Variants in CELF4 observed in about 807,000 individuals in gnomAD.
The protein encoded by CELF4 is CUG-BP- and ETR-3-like factor 4.
Under a neutral mutation model 59.9 loss-of-function variants are expected in CELF4, and 18 were observed. The ratio of observed to expected loss-of-function variants is 0.30; its 90% CI spans 0.21 to 0.45. The LOEUF (loss-of-function observed/expected upper bound fraction) is 0.45, where lower values mean the gene tolerates loss of function less well. Among genes scored for constraint, CELF4 ranks in the 20% least tolerant of loss-of-function variants. The probability of loss-of-function intolerance (pLI) is 1.00; values close to 1 mark genes in which losing one functional copy is unlikely to be tolerated. For missense variants in CELF4, 456 were observed against 689.0 expected, an observed-to-expected ratio of 0.66 and a Z score of 3.79; for synonymous variants, 261 against 267.1, an observed-to-expected ratio of 0.98 and a Z score of 0.22.
rs372871600 is a variant in CELF4 at position 37,371,417 on chromosome 18, G to C, written c.370-49536C>G. Among the ~76,000 whole-genome samples the C allele has an allele frequency of 4.6e-5, 7 of 152,184 alleles. No homozygotes were observed. In the East Asian group the frequency reaches 5.8e-4, roughly 13 times the overall value. ...AAGCCCAGGGATCCTGGCCTCAGGG[G>C]ATGTGCAAGGACTCTCGAGGAGAAA... On this transcript the variant is annotated intron_variant, in intron 2 of 12. Transcript: ENST00000420428.
At chr18:37,524,743 T>C (rs888782647) in intron 1 of CELF4, among the ~76,000 whole-genome samples, 2 of 152,168 alleles carry the variant, frequency 1.3e-5, no homozygotes, top group Non-Finnish European at 2.9e-5. Context: ...CCACAGCCCC[T>C]GCTCCCCAGC....
chr18:37,440,851 C>A (rs1489819358), intron 2 of CELF4, among the ~76,000 whole-genome samples: 1 of 152,166 alleles, frequency 6.6e-6, no homozygotes, highest in African/African-American at 2.4e-5. Context: ...CTTGGACAAA[C>A]TACAGACCCT....
At chr18:37,319,009 C>T (rs545248907) in intron 3 of CELF4, among the ~76,000 whole-genome samples, 2 of 152,228 alleles carry the variant, frequency 1.3e-5, no homozygotes, top group Non-Finnish European at 2.9e-5. Context: ...GGCCACCTCC[C>T]CTGAGGCCTC....
chr18:37,256,134 CCTT>C (rs1202736011), intron 11 of CELF4, among the ~76,000 whole-genome samples: 1 of 152,216 alleles, frequency 6.6e-6, no homozygotes, highest in Non-Finnish European at 1.5e-5. Context: ...GGACCGTCTT[CCTT>C]CTTCCAGAGC....
intron 2 of CELF4, among the ~76,000 whole-genome samples, chr18:37,449,987 G>A (rs763036395): frequency 3.9e-5 from 6 of 152,174 alleles, no homozygotes; most frequent in Non-Finnish European, 7.3e-5. Flanking sequence ...CACTAACAAG[G>A]AGAAAACCCA....
chr18:37,407,240 A>T (rs895153748), intron 2 of CELF4, among the ~76,000 whole-genome samples: 1 of 152,088 alleles, frequency 6.6e-6, no homozygotes, highest in African/African-American at 2.4e-5. Context: ...CTCCGAAAAC[A>T]TTGTCCCTAC....
intron 1 of CELF4, among the ~76,000 whole-genome samples, chr18:37,494,634 G>A (rs1456034869): frequency 6.6e-6 from 1 of 152,294 alleles, no homozygotes; most frequent in East Asian, 1.9e-4. Flanking sequence ...GATGGGGTGC[G>A]TATCGTCGGC....
At chr18:37,457,851 C>T (rs186832529) in intron 2 of CELF4, among the ~76,000 whole-genome samples, 50 of 152,264 alleles carry the variant, frequency 3.3e-4, no homozygotes, top group African/African-American at 1.1e-3. Context: ...ACTCCTCCTC[C>T]AGTCCTTTCT....
chr18:37,339,169 C>A (rs915403261), intron 2 of CELF4, among the ~76,000 whole-genome samples: 1 of 152,194 alleles, frequency 6.6e-6, no homozygotes, highest in Non-Finnish European at 1.5e-5. Flanking sequence ...TCCTGCACAC[C>A]CCAAGTTAAG....
chr18:37,302,639 G>A (rs998378330), intron 3 of CELF4, among the ~76,000 whole-genome samples: 2 of 152,180 alleles, frequency 1.3e-5, no homozygotes, highest in African/African-American at 2.4e-5. Flanking sequence ...GAGGATTGAC[G>A]CCTCCCCAGG....
chr18:37,304,965 G>A (rs866739300), intron 3 of CELF4, among the ~76,000 whole-genome samples: 20 of 152,332 alleles, frequency 1.3e-4, no homozygotes, highest in African/African-American at 4.6e-4. Flanking sequence ...GTTCCCAGGT[G>A]GGGGAGCATG....
At chr18:37,279,289 G>A (rs2093810767) in intron 3 of CELF4, among the ~76,000 whole-genome samples, 1 of 152,200 alleles carries the variant, frequency 6.6e-6, no homozygotes, top group South Asian at 2.1e-4. Context: ...GAGTTAGTGA[G>A]GGGATGGGCT....
At chr18:37,280,407 T>G (rs937625135) in intron 3 of CELF4, among the ~76,000 whole-genome samples, 1 of 152,106 alleles carries the variant, frequency 6.6e-6, no homozygotes, top group Non-Finnish European at 1.5e-5. Context: ...TTTAAGGGGT[T>G]GGGAAGAAAG....
intron 1 of CELF4, among the ~76,000 whole-genome samples, chr18:37,501,391 A>G (rs1351862945): frequency 2.6e-5 from 4 of 152,226 alleles, no homozygotes; most frequent in Non-Finnish European, 5.9e-5. Flanking sequence ...CAGGTGGGAC[A>G]ACGTGGAGCC....
intron 1 of CELF4, among the ~76,000 whole-genome samples, chr18:37,494,616 A>T (rs904598046): frequency 1.3e-5 from 2 of 152,180 alleles, no homozygotes; most frequent in Non-Finnish European, 2.9e-5. Flanking sequence ...ACCTCAGCAT[A>T]GGCTCGGGAT....
chr18:37,414,771 A>G (rs2099513558), intron 2 of CELF4, among the ~76,000 whole-genome samples: 1 of 151,982 alleles, frequency 6.6e-6, no homozygotes. Flanking sequence ...TGCTGGGATT[A>G]CAGGTGTGAG....
intron 2 of CELF4, among the ~76,000 whole-genome samples, chr18:37,441,440 C>T (rs1026412255): frequency 1.3e-5 from 2 of 152,076 alleles, no homozygotes; most frequent in African/African-American, 4.8e-5. Flanking sequence ...GTTAAGGCCT[C>T]AGAACCAGAA....
chr18:37,554,668 G>A (rs2099984254), intron 1 of CELF4, among the ~76,000 whole-genome samples: 1 of 152,160 alleles, frequency 6.6e-6, no homozygotes, highest in African/African-American at 2.4e-5. Flanking sequence ...TGGGCCTTTG[G>A]CTGTCACCAG....
chr18:37,507,081 T>C (rs2099938946), intron 1 of CELF4, among the ~76,000 whole-genome samples: 1 of 152,184 alleles, frequency 6.6e-6, no homozygotes, highest in Admixed American at 6.5e-5. Flanking sequence ...CCCAGGGCTC[T>C]CTCTCTGTCC....
Sources: allele counts gnomAD v4.1 joint callset (sites outside exome capture counted in the v4.1 genomes callset), GRCh38; gene constraint gnomAD v4.1.1; transcripts MANE v1.5; gene names NCBI Gene and HGNC (gene_info 2026-07-23, HGNC 2026-07-21).